The following SSBP3 variants were observed in gnomAD, a reference collection of about 807,000 sequenced individuals.
SSBP3 encodes single-stranded DNA-binding protein 3.
Under a neutral mutation model 69.6 loss-of-function variants are expected in SSBP3, and 5 were observed. The ratio of observed to expected loss-of-function variants is 0.07; its 90% CI spans 0.04 to 0.15. The LOEUF (loss-of-function observed/expected upper bound fraction) is 0.15, where lower values mean the gene tolerates loss of function less well. Ranked by LOEUF, SSBP3 falls within the 10% of genes least tolerant of loss-of-function variation. The pLI is 1.00. For synonymous variants in SSBP3, 196 were observed against 193.4 expected, an observed-to-expected ratio of 1.01 and a Z score of -0.11; for missense variants, 312 against 534.0, an observed-to-expected ratio of 0.58 and a Z score of 4.10.
At chr1:54,354,595 T>C (rs1195848884) in intron 4 of SSBP3, among the ~76,000 whole-genome samples, 2 of 151,802 alleles carry the variant, frequency 1.3e-5, no homozygotes, top group East Asian at 3.9e-4. Context: ...CACACAGACC[T>C]CTCCCCCAGG....
At chr1:54,286,975 CTG>C (rs1293305971) in intron 4 of SSBP3, 1 of 152,280 alleles carries the variant, frequency 6.6e-6, no homozygotes, top group East Asian at 1.9e-4. Context: ...TCATCCCACC[CTG>C]AGAGAGAAGC....
At chr1:54,260,349 AG>A (rs1644996165) in intron 5 of SSBP3, among the ~76,000 whole-genome samples, 1 of 152,198 alleles carries the variant, frequency 6.6e-6, no homozygotes, top group African/African-American at 2.4e-5. Context: ...GTGCTTCCTC[AG>A]GGCGAGCAGT....
At chr1:54,246,593 A>G (rs1323081284) in intron 9 of SSBP3, among the ~76,000 whole-genome samples, 4 of 152,336 alleles carry the variant, frequency 2.6e-5, no homozygotes, top group African/African-American at 4.8e-5. Context: ...CTCCAAGTGC[A>G]CTATCCTGCC....
intron 14 of SSBP3, among the ~76,000 whole-genome samples, chr1:54,234,408 T>C (rs1469874900): frequency 6.6e-6 from 1 of 151,022 alleles, no homozygotes; most frequent in African/African-American, 2.4e-5. Context: ...GGCAACATAG[T>C]GAGACCTCAT....
At chr1:54,381,279 A>G (rs1193968266) in intron 4 of SSBP3, among the ~76,000 whole-genome samples, 1 of 147,934 alleles carries the variant, frequency 6.8e-6, no homozygotes, top group Non-Finnish European at 1.5e-5. Flanking sequence ...GCTACTCAGG[A>G]GGCTGAGGCA....
chr1:54,238,183 G>A (rs532530160), intron 14 of SSBP3: 1 of 471,108 alleles, frequency 2.1e-6, no homozygotes, highest in East Asian at 6.9e-5. Context: ...GCAATATCCA[G>A]CACAGGGCAG....
intron 4 of SSBP3, among the ~76,000 whole-genome samples, chr1:54,383,872 C>T (rs966372185): frequency 1.3e-5 from 2 of 151,950 alleles, no homozygotes; most frequent in Non-Finnish European, 2.9e-5. Flanking sequence ...TTTGGGAGGC[C>T]GAGGCGGGCG....
intron 4 of SSBP3, among the ~76,000 whole-genome samples, chr1:54,289,026 A>AC (rs1645548531): frequency 1.3e-5 from 1 of 76,520 alleles, no homozygotes; most frequent in Non-Finnish European, 2.4e-5. Context: ...TCTCCAAAAA[A>AC]AAAAAAAAAA....
chr1:54,383,476 A>G (rs1647838728), intron 4 of SSBP3, among the ~76,000 whole-genome samples: 1 of 152,200 alleles, frequency 6.6e-6, no homozygotes, highest in Non-Finnish European at 1.5e-5. Context: ...GCCATTCACA[A>G]TTAGAAGCAA....
At chr1:54,295,476 C>T (rs536863450) in intron 4 of SSBP3, among the ~76,000 whole-genome samples, 1 of 152,288 alleles carries the variant, frequency 6.6e-6, no homozygotes, top group African/African-American at 2.4e-5. Context: ...CATGAGGCAT[C>T]CCACGGAGCA....
chr1:54,266,240 T>C (rs1388340576), intron 5 of SSBP3, among the ~76,000 whole-genome samples: 1 of 152,192 alleles, frequency 6.6e-6, no homozygotes, highest in African/African-American at 2.4e-5. Flanking sequence ...CGCACCAAGC[T>C]GCATACCAGG....
chr1:54,340,617 G>C (rs1427539980), intron 4 of SSBP3, among the ~76,000 whole-genome samples: 1 of 152,214 alleles, frequency 6.6e-6, no homozygotes, highest in East Asian at 1.9e-4. Flanking sequence ...TGCAAATTTT[G>C]CTTCATCACC....
chr1:54,234,369 TAAAAATA>T (rs935300913), intron 14 of SSBP3, among the ~76,000 whole-genome samples: 16 of 144,026 alleles, frequency 1.1e-4, no homozygotes, highest in Non-Finnish European at 1.5e-4. Flanking sequence ...AAAAAATAAA[TAAAAATA>T]AAAAATAAAA....
rs1458065896 is a variant in SSBP3, at chr1:54,316,666, A to T, written c.277-35139T>A. ...CCGTCTCAAAAAAAAAAAATAAAAT[A>T]AATAAATAAATAAATAAATAAATAA... On this transcript the variant is annotated intron_variant, in intron 4 of 17. Coordinates refer to ENST00000610401, the Ensembl canonical transcript of SSBP3. Among the ~76,000 whole-genome samples, 3 of 15,974 alleles carry T rather than the reference A, an allele frequency of 1.9e-4. 1 individual carries two copies. Among genetic ancestry groups the T allele is most frequent in the African/African-American group, 4.9e-4 (3 of 6,174 alleles). The allele number at this position is 15,974 out of a possible 152,430, so 10.5% of individuals were successfully genotyped here.
At chr1:54,404,915 G>T in exon 2 of SSBP3, 5 of 1,612,728 alleles carry the variant, frequency 3.1e-6, no homozygotes, top group Non-Finnish European at 4.2e-6. Context: ...AATATTCGTA[G>T]ACGTATAAAG....
chr1:54,303,044 G>C (rs1453502548), intron 4 of SSBP3, among the ~76,000 whole-genome samples: 1 of 152,226 alleles, frequency 6.6e-6, no homozygotes, highest in Non-Finnish European at 1.5e-5. Context: ...TAACTGCCAG[G>C]CTAGCGGTAT....
At chr1:54,305,774 T>C (rs1645889463) in intron 4 of SSBP3, among the ~76,000 whole-genome samples, 1 of 151,140 alleles carries the variant, frequency 6.6e-6, no homozygotes, top group Non-Finnish European at 1.5e-5. Flanking sequence ...GGATTTATTA[T>C]AAAAGACACG....
chr1:54,251,891 G>A, intron 7 of SSBP3, 31 bp from the exon 8 acceptor site: 1 of 1,599,638 alleles, frequency 6.3e-7, no homozygotes, highest in South Asian at 1.1e-5. Flanking sequence ...AAGCTGAGGA[G>A]CTGCTCCGGA....
chr1:54,343,355 G>A (rs902469472), intron 4 of SSBP3, among the ~76,000 whole-genome samples: 19 of 152,212 alleles, frequency 1.2e-4, no homozygotes, highest in Non-Finnish European at 2.2e-4. Context: ...TGTGAACAGG[G>A]GTGGTAGTAC....
Sources: gnomAD v4.1 joint callset for allele counts (sites outside exome capture counted in the v4.1 genomes callset) on GRCh38, gnomAD v4.1.1 for gene constraint, MANE v1.5 for transcripts, NCBI Gene and HGNC (gene_info 2026-07-23, HGNC 2026-07-21) for gene names.